GALNT10: variants seen among roughly 807,000 people sequenced by gnomAD.
GALNT10 encodes GalNAc transferase 10.
GALNT10 carries 41 observed loss-of-function variants against 75.0 expected under a neutral mutation model. That is an observed-to-expected ratio of 0.55 (90% CI 0.43 to 0.71). The LOEUF (loss-of-function observed/expected upper bound fraction) is 0.71. Ranked by LOEUF, GALNT10 falls within the 30% of genes least tolerant of loss-of-function variation. The pLI, the probability that GALNT10 is intolerant of heterozygous loss-of-function variation, is 0.00. For missense variants in GALNT10, 727 were observed against 818.5 expected, an observed-to-expected ratio of 0.89 and a Z score of 1.36; for synonymous variants, 302 against 313.0, an observed-to-expected ratio of 0.96 and a Z score of 0.37.
intron 1 of GALNT10, among the ~76,000 whole-genome samples, chr5:154,244,043 C>G (rs553212099): frequency 5.3e-5 from 8 of 152,308 alleles, no homozygotes; most frequent in Non-Finnish European, 7.3e-5. Context: ...GCACCAGGAA[C>G]CAGAACCAGA....
intron 1 of GALNT10, among the ~76,000 whole-genome samples, chr5:154,275,261 C>T (rs937072251): frequency 2.0e-5 from 3 of 152,200 alleles, no homozygotes; most frequent in Non-Finnish European, 2.9e-5. Context: ...TGTTTTATAG[C>T]AATGCCTCTC....
At chr5:154,279,669 C>A (rs1377727917) in intron 1 of GALNT10, among the ~76,000 whole-genome samples, 1 of 152,014 alleles carries the variant, frequency 6.6e-6, no homozygotes, top group African/African-American at 2.4e-5. Flanking sequence ...CAGCCTCAAA[C>A]TCCTAGGCTC....
rs988651957 is a variant in GALNT10, at chr5:154,227,907, AG to A, written c.159+36884del. Among the ~76,000 whole-genome samples, 106 of 152,182 alleles carry A rather than the reference AG, an allele frequency of 7.0e-4. 1 individual carries two copies. The highest frequency in any genetic ancestry group is 2.2e-3 in the African/African-American group (92 of 41,518). ...GTTGAACTGTAATCCCCAGTGCTGGAGGTGGGGCTTGGTGGGAGGTGTTTGG... is the reference window on the plus strand; with the variant it reads ...GTTGAACTGTAATCCCCAGTGCTGGAGTGGGGCTTGGTGGGAGGTGTTTGG... On this transcript the variant is annotated intron_variant, in intron 1 of 11. Coordinates refer to ENST00000297107, the MANE Select transcript of GALNT10 (RefSeq NM_198321.4).
At chr5:154,264,496 C>T (rs1209108713) in intron 1 of GALNT10, among the ~76,000 whole-genome samples, 1 of 151,998 alleles carries the variant, frequency 6.6e-6, no homozygotes, top group East Asian at 1.9e-4. Flanking sequence ...CAGTTTACTT[C>T]CATGTGACTC....
chr5:154,406,520 G>A (rs1756285090), intron 8 of GALNT10, among the ~76,000 whole-genome samples: 1 of 152,230 alleles, frequency 6.6e-6, no homozygotes, highest in African/African-American at 2.4e-5. Flanking sequence ...CAGTGGGCCG[G>A]GCGTGGTGGC....
intron 1 of GALNT10, among the ~76,000 whole-genome samples, chr5:154,276,882 T>C (rs78672989): frequency 3.9e-5 from 6 of 152,152 alleles, no homozygotes; most frequent in African/African-American, 1.4e-4. Context: ...AGAAGATAGG[T>C]GTTGTTTGGA....
At chr5:154,246,972 G>T (rs1053208575) in intron 1 of GALNT10, among the ~76,000 whole-genome samples, 2 of 152,170 alleles carry the variant, frequency 1.3e-5, no homozygotes, top group Non-Finnish European at 2.9e-5. Context: ...AATCCATCTT[G>T]AATTAATTTT....
At chr5:154,259,149 A>T (rs185821914) in intron 1 of GALNT10, among the ~76,000 whole-genome samples, 2 of 152,042 alleles carry the variant, frequency 1.3e-5, no homozygotes, top group Admixed American at 6.6e-5. Flanking sequence ...CATTCAACCC[A>T]TTACATTTAG....
chr5:154,358,869 C>T (rs528980353), intron 4 of GALNT10, among the ~76,000 whole-genome samples: 7 of 152,314 alleles, frequency 4.6e-5, no homozygotes, highest in African/African-American at 1.7e-4. Context: ...TGATCATGGC[C>T]AGGGCTTCCC....
chr5:154,290,799 C>T (rs111507093), intron 1 of GALNT10, among the ~76,000 whole-genome samples: 18 of 152,152 alleles, frequency 1.2e-4, no homozygotes, highest in Non-Finnish European at 7.4e-5. Context: ...CTCTTGCCTG[C>T]TGTGAGGCCT....
chr5:154,293,613 A>ATATATATATATATATATTTTT, intron 1 of GALNT10, among the ~76,000 whole-genome samples: 1 of 109,358 alleles, frequency 9.1e-6, no homozygotes, highest in African/African-American at 4.2e-5. Flanking sequence ...ATATATATAT[A>ATATATATATATATATATTTTT]TTTTTTTTTT....
chr5:154,416,922 C>CTGT lies in GALNT10; in HGVS notation c.1764_1766dup (p.Leu588dup). 2.5e-6 allele frequency: 4 copies of CTGT among 1,614,102 alleles called. No homozygotes were observed. Among genetic ancestry groups the CTGT allele is most frequent in the Non-Finnish European group, 3.4e-6 (4 of 1,179,916 alleles). ...CCCATCCTCTCTCACCCAGCAGTGG[C>CTGT]TGTTTGAACACACCAACTCAACAGT... is the stretch of plus-strand genomic sequence containing the variant. On this transcript the variant is annotated inframe_insertion, in exon 12 of 12. Transcript: ENST00000297107. This position sits in a 1 kb window ranked among gnomAD's most constrained non-coding sequence, Gnocchi z 4.5.
chr5:154,244,794 G>T (rs1257547712), intron 1 of GALNT10, among the ~76,000 whole-genome samples: 1 of 152,216 alleles, frequency 6.6e-6, no homozygotes, highest in South Asian at 2.1e-4. Context: ...CACTGCTGGG[G>T]TATATCTTCA....
At chr5:154,337,813 A>C (rs1324849781) in intron 4 of GALNT10, 2 of 989,886 alleles carry the variant, frequency 2.0e-6, no homozygotes, top group African/African-American at 3.2e-5. Flanking sequence ...CCACCTCCAC[A>C]ACCACCACCA....
At chr5:154,270,371 G>A (rs1250545529) in intron 1 of GALNT10, among the ~76,000 whole-genome samples, 1 of 151,172 alleles carries the variant, frequency 6.6e-6, no homozygotes, top group East Asian at 1.9e-4. Context: ...ATCAAAGTTA[G>A]CATCATTCTG....
At chr5:154,207,482 C>T (rs1399869471) in intron 1 of GALNT10, among the ~76,000 whole-genome samples, 1 of 152,188 alleles carries the variant, frequency 6.6e-6, no homozygotes, top group East Asian at 1.9e-4. Context: ...CTCTGGGCTC[C>T]ACATACTAAA....
chr5:154,222,606 C>G (rs746485759), intron 1 of GALNT10, among the ~76,000 whole-genome samples: 2 of 152,154 alleles, frequency 1.3e-5, no homozygotes, highest in Admixed American at 1.3e-4. Context: ...CTGGCTGCTC[C>G]GCATCCTCAC....
rs570914362 is a variant in GALNT10 at position 154,393,712 on chromosome 5, G to A, written c.1056+7282G>A. ...TTAGCTGGGCATGGTGGTGTGCTGCGTGCCTGTAGTCCCAGCTACTTGGAA... is the reference window on the plus strand; with the variant it reads ...TTAGCTGGGCATGGTGGTGTGCTGCATGCCTGTAGTCCCAGCTACTTGGAA... On this transcript the variant is annotated intron_variant, in intron 7 of 11. Transcript: ENST00000297107. Among the ~76,000 whole-genome samples the A allele has an allele frequency of 9.9e-5, 15 of 152,122 alleles. No homozygotes were observed. The East Asian group carries it at 1.9e-3, about 20-fold the overall frequency.
chr5:154,237,153 T>C (rs1753260661), intron 1 of GALNT10, among the ~76,000 whole-genome samples: 1 of 152,152 alleles, frequency 6.6e-6, no homozygotes, highest in Non-Finnish European at 1.5e-5. Context: ...GAGTTAAGTG[T>C]GGCACCAATA....
Sources: gnomAD v4.1 joint callset for allele counts (sites outside exome capture counted in the v4.1 genomes callset) on GRCh38, gnomAD v4.1.1 for gene constraint, Gnocchi (gnomAD v3.1) non-coding constraint, MANE v1.5 for transcripts, NCBI Gene and HGNC (gene_info 2026-07-23, HGNC 2026-07-21) for gene names.